The following NUDT4 variants were observed in gnomAD, a reference collection of about 807,000 sequenced individuals.
The protein encoded by NUDT4 is diphosphoinositol polyphosphate phosphohydrolase 2.
In NUDT4, 5 loss-of-function variants were observed where a neutral mutation model predicts 23.1. The ratio of observed to expected loss-of-function variants is 0.22; its 90% confidence interval spans 0.11 to 0.46. The LOEUF (loss-of-function observed/expected upper bound fraction) is 0.46. Among genes scored for constraint, NUDT4 ranks in the 20% least tolerant of loss-of-function variants. The probability of loss-of-function intolerance (pLI) is 0.99; values close to 1 mark genes in which losing one functional copy is unlikely to be tolerated. For missense variants in NUDT4, 96 were observed against 211.6 expected, an observed-to-expected ratio of 0.45 and a Z score of 3.39; for synonymous variants, 50 against 79.0, an observed-to-expected ratio of 0.63 and a Z score of 1.95.
rs1361873342 is a variant in NUDT4 at position 93,402,229 on chromosome 12, CCTGA to C, written c.*2853_*2856del. ...CATTTGAGATAATTGATGTAAGAAT[CCTGA>C]CTTTTTTATATTTGGAAACATCAAA... On this transcript the variant is annotated 3_prime_UTR_variant, in exon 5 of 5. Coordinates refer to ENST00000415493, the MANE Select transcript of NUDT4 (RefSeq NM_019094.6). 6.6e-6 allele frequency: 1 copy of C among 152,054 alleles called. No homozygotes were observed. The highest frequency in any genetic ancestry group is 6.6e-5 in the Admixed American group (1 of 15,260). 9.4% of individuals were successfully genotyped at this position (152,054 alleles called of 1,614,324 possible).
rs1287037705 is a variant in NUDT4, at chr12:93,406,275, C to CCAAAAAAAAA, written c.*6896_*6897insCAAAAAAAAA. On this transcript the variant is annotated 3_prime_UTR_variant, in exon 5 of 5. Coordinates refer to ENST00000415493, the MANE Select transcript of NUDT4 (RefSeq NM_019094.6). ...AGAGCTAGAAAGTGGCTAGAGCAGC[C>CCAAAAAAAAA]AAAAAAAAAAAAAAAAAAAAAAAAA... The CCAAAAAAAAA allele has an allele frequency of 2.6e-5, 1 of 37,990 alleles. No homozygotes were observed. The highest frequency in any genetic ancestry group is 8.3e-5 in the African/African-American group (1 of 12,012). 2.4% of individuals were successfully genotyped at this position (37,990 alleles called of 1,614,324 possible).
At chr12:93,395,696 A>G (rs537287945) in intron 3 of NUDT4, among the ~76,000 whole-genome samples, 163 bp downstream of exon 3, 3 of 152,102 alleles carry the variant, frequency 2.0e-5, no homozygotes, top group African/African-American at 7.2e-5. Flanking sequence ...CCACTTTTTC[A>G]TATGCCACCA....
intron 1 of NUDT4, among the ~76,000 whole-genome samples, chr12:93,379,214 A>AG (rs1875450982): frequency 6.6e-6 from 1 of 152,090 alleles, no homozygotes; most frequent in African/African-American, 2.4e-5. Flanking sequence ...TGGATAATTT[A>AG]CCCATCTGCA....
intron 1 of NUDT4, among the ~76,000 whole-genome samples, chr12:93,393,291 G>A (rs1006824212): frequency 1.3e-5 from 2 of 150,586 alleles, no homozygotes; most frequent in African/African-American, 2.5e-5. Flanking sequence ...TAGTAAAGAC[G>A]GGGTTTCACC....
intron 2 of NUDT4, among the ~76,000 whole-genome samples, 155 bp downstream of exon 2, chr12:93,394,874 A>G: frequency 6.6e-6 from 1 of 151,634 alleles, no homozygotes; most frequent in East Asian, 1.9e-4. Context: ...TTTGAGATGG[A>G]GTCTCGCTCT....
At chr12:93,384,419 A>C (rs986396403) in intron 1 of NUDT4, among the ~76,000 whole-genome samples, 1 of 151,978 alleles carries the variant, frequency 6.6e-6, no homozygotes, top group South Asian at 2.1e-4. Flanking sequence ...TGCCCACCTC[A>C]GCCTCTCAAA....
chr12:93,378,546 C>A (rs926695885), intron 1 of NUDT4, 125 bp downstream of exon 1: 3 of 1,308,338 alleles, frequency 2.3e-6, no homozygotes, highest in Non-Finnish European at 2.0e-6. Flanking sequence ...TTCCTCCCTC[C>A]CTCCTTTCCT....
At chr12:93,385,976 A>ATT (rs202241092) in intron 1 of NUDT4, among the ~76,000 whole-genome samples, 1 of 86,580 alleles carries the variant, frequency 1.2e-5, no homozygotes, top group African/African-American at 4.2e-5. Context: ...TATATACATA[A>ATT]TTTTTTTTTT....
intron 1 of NUDT4, 100 bp downstream of exon 1, chr12:93,378,521 G>A: frequency 7.5e-7 from 1 of 1,336,018 alleles, no homozygotes; most frequent in Non-Finnish European, 9.8e-7. Flanking sequence ...GCGGGGCTGG[G>A]AGGGATTAGC....
At chr12:93,393,394 C>G (rs558751220) in intron 1 of NUDT4, among the ~76,000 whole-genome samples, 1 of 152,224 alleles carries the variant, frequency 6.6e-6, no homozygotes, top group South Asian at 2.1e-4. Context: ...TGAGCCACCA[C>G]GCCCGGCCAC....
At position 93,400,639 on chromosome 12, in the gene NUDT4, TCGCTTTGTCACC is replaced by T. The variant is rs1209814773; in HGVS notation, c.*1262_*1273del. 2.0e-5 allele frequency: 3 copies of T among 151,292 alleles called. No homozygotes were observed. The highest frequency in any genetic ancestry group is 7.3e-5 in the African/African-American group (3 of 41,338). 9.4% of individuals were successfully genotyped at this position (151,292 alleles called of 1,614,324 possible). The stretch of plus-strand genomic sequence containing the variant: ...AAAGATGTTTTTTTTTTTTTGAGAC[TCGCTTTGTCACC>T]CAGGCTGGAGTGCAATGGCACAATC... On this transcript the variant is annotated 3_prime_UTR_variant, in exon 5 of 5. Transcript: ENST00000415493.
chr12:93,392,666 CTTTT>C (rs71307563), intron 1 of NUDT4, among the ~76,000 whole-genome samples: 1 of 76,164 alleles, frequency 1.3e-5, no homozygotes, highest in Non-Finnish European at 2.5e-5. Flanking sequence ...AGATTTCAGT[CTTTT>C]TTTTTTTTTT....
Position 93,403,713 on chromosome 12 carries a change from T to C in NUDT4, c.*4334T>C, listed in dbSNP as rs193073021. 1 of 152,336 alleles carries C rather than the reference T, an allele frequency of 6.6e-6. No individual in the cohort carries two copies. The highest frequency in any genetic ancestry group is 1.9e-4 in the East Asian group (1 of 5,188). 9.4% of individuals were successfully genotyped at this position (152,336 alleles called of 1,614,324 possible). The stretch of plus-strand genomic sequence containing the variant: ...CATCTTCAAAAGCAATACAATTTTA[T>C]TTGTAGACGTGATTTCCCCCACCAA... On this transcript the variant is annotated 3_prime_UTR_variant, in exon 5 of 5. Coordinates refer to ENST00000415493, the MANE Select transcript of NUDT4 (RefSeq NM_019094.6).
intron 1 of NUDT4, 85 bp downstream of exon 1, chr12:93,378,506 AG>A (rs1219591957): frequency 1.5e-6 from 2 of 1,358,836 alleles, no homozygotes; most frequent in African/African-American, 3.1e-5. Context: ...GCCCCTGCGC[AG>A]GCTGCGGGGC....
chr12:93,392,518 A>C (rs1341417610), intron 1 of NUDT4, among the ~76,000 whole-genome samples: 1 of 151,170 alleles, frequency 6.6e-6, no homozygotes, highest in African/African-American at 2.4e-5. Flanking sequence ...CAGCCTCCCA[A>C]AGTGCTAGGA....
intron 3 of NUDT4, among the ~76,000 whole-genome samples, chr12:93,398,355 A>AAAAAG (rs1168607631): frequency 2.7e-5 from 4 of 150,592 alleles, no homozygotes; most frequent in Admixed American, 6.6e-5. Flanking sequence ...AAAAAAAAAA[A>AAAAAG]AAAAGAAAAG....
intron 3 of NUDT4, among the ~76,000 whole-genome samples, chr12:93,396,813 T>C (rs1024906637): frequency 6.6e-6 from 1 of 152,162 alleles, no homozygotes; most frequent in Non-Finnish European, 1.5e-5. Context: ...CTTGGGAGGC[T>C]GAGGCAGAAT....
chr12:93,398,338 CAA>C (rs34651915), intron 3 of NUDT4, among the ~76,000 whole-genome samples: 97 of 75,276 alleles, frequency 1.3e-3, no homozygotes, highest in South Asian at 3.5e-3. Flanking sequence ...CTCCCTGTCT[CAA>C]AAAAAAAAAA....
chr12:93,394,222 T>C (rs1162260793), intron 1 of NUDT4, among the ~76,000 whole-genome samples: 1 of 152,188 alleles, frequency 6.6e-6, no homozygotes, highest in African/African-American at 2.4e-5. Context: ...CAGGATGATC[T>C]CGATCTCCTG....
Sources: allele counts gnomAD v4.1 joint callset (sites outside exome capture counted in the v4.1 genomes callset), GRCh38; gene constraint gnomAD v4.1.1; transcripts MANE v1.5; gene names NCBI Gene and HGNC (gene_info 2026-07-23, HGNC 2026-07-21).